Variants in CDH13 observed in about 807,000 individuals in gnomAD.
The protein encoded by CDH13 is cadherin 13.
CDH13 carries 24 observed loss-of-function variants against 63.8 expected under a neutral mutation model. That is an observed-to-expected ratio of 0.38 (90% CI 0.27 to 0.53). CDH13 has a LOEUF of 0.53. CDH13 is among the 20% of genes least tolerant of loss of function. The pLI is 0.85. For synonymous variants in CDH13, 503 were observed against 355.3 expected (o/e 1.42, Z -4.67); for missense variants, 1,049 against 903.1 (o/e 1.16, Z -2.07).
intron 1 of CDH13, among the ~76,000 whole-genome samples, chr16:82,674,360 T>G (rs1913648167): frequency 6.6e-6 from 1 of 152,188 alleles, no homozygotes; most frequent in Non-Finnish European, 1.5e-5. Flanking sequence ...TTGGACCACT[T>G]AGTTTTCATC....
At position 83,356,378 on chromosome 16, in the gene CDH13, G is replaced by A. The variant is rs555380714; in HGVS notation, c.781+11372G>A. The stretch of plus-strand genomic sequence containing the variant: ...CTTACTGGTGGTAACCTCAAATAAA[G>A]CCAGATTCTCCCCCTAGCGGTAGTT... On this transcript the variant is annotated intron_variant, in intron 6 of 13. Transcript: ENST00000567109. Among the ~76,000 whole-genome samples, 150 of 152,106 alleles carry A rather than the reference G, an allele frequency of 9.9e-4. No homozygotes were observed. The Middle Eastern group carries it at 0.01, about 10-fold the overall frequency.
At chr16:83,588,320 C>A (rs148968183) in intron 7 of CDH13, among the ~76,000 whole-genome samples, 1,565 of 152,318 alleles carry the variant, frequency 0.01, 21 homozygotes, top group African/African-American at 0.036. Flanking sequence ...CATCTGCAGA[C>A]CATGAGAGCA....
intron 5 of CDH13, among the ~76,000 whole-genome samples, chr16:83,318,629 T>G (rs2090156240): frequency 6.6e-6 from 1 of 152,218 alleles, no homozygotes; most frequent in African/African-American, 2.4e-5. Context: ...TGGCAGTTCG[T>G]GGCTTTAATG....
intron 8 of CDH13, among the ~76,000 whole-genome samples, chr16:83,630,925 C>T (rs1369235938): frequency 6.6e-6 from 1 of 152,114 alleles, no homozygotes; most frequent in Non-Finnish European, 1.5e-5. Flanking sequence ...TTGGGGGTCC[C>T]AAGATTTATT....
At chr16:82,765,908 C>G (rs1179384803) in intron 1 of CDH13, among the ~76,000 whole-genome samples, 1 of 152,154 alleles carries the variant, frequency 6.6e-6, no homozygotes. Context: ...AAGACAGAGT[C>G]TCACAGGAGT....
At chr16:83,675,903 A>T (rs1914914859) in intron 9 of CDH13, among the ~76,000 whole-genome samples, 1 of 152,258 alleles carries the variant, frequency 6.6e-6, no homozygotes, top group Non-Finnish European at 1.5e-5. Flanking sequence ...CAATTCATTC[A>T]TTCATTCATT....
intron 6 of CDH13, among the ~76,000 whole-genome samples, chr16:83,466,765 G>A (rs891669785): frequency 1.3e-5 from 2 of 152,196 alleles, no homozygotes; most frequent in African/African-American, 2.4e-5. Context: ...CCAAGGGTAT[G>A]CTTAAGTCAC....
chr16:83,500,294 C>CTT lies in CDH13; in HGVS notation c.960+13640_960+13641insTT, dbSNP rs1567715252. ...TCTTCTTCTTCTTCTTCTTCTTCTT[C>CTT]TCCTTCTCCTTCTCCTTCTCCTTCT... is the stretch of plus-strand genomic sequence containing the variant. On this transcript the variant is annotated intron_variant, in intron 7 of 13. Transcript: ENST00000567109. Among the ~76,000 whole-genome samples the CTT allele has an allele frequency of 0.055, 87 of 1,574 alleles. 5 individuals carry two copies. In the East Asian group the frequency reaches 0.6, roughly 11 times the overall value. 1.0% of individuals were successfully genotyped at this position (1,574 alleles called of 152,430 possible). A position where few individuals can be genotyped will look rare whatever the true frequency, so the allele number is the denominator to read the frequency against.
chr16:83,709,195 C>T (rs923439165), intron 10 of CDH13, among the ~76,000 whole-genome samples: 3 of 152,114 alleles, frequency 2.0e-5, no homozygotes, highest in African/African-American at 7.2e-5. Context: ...AGCAAAGAAA[C>T]AAATTCTGCC....
intron 2 of CDH13, among the ~76,000 whole-genome samples, chr16:82,890,310 A>G (rs895907479): frequency 6.6e-5 from 10 of 152,228 alleles, no homozygotes; most frequent in Non-Finnish European, 1.0e-4. Context: ...AGAACAGTGT[A>G]TAGGCTGGAA....
intron 1 of CDH13, among the ~76,000 whole-genome samples, chr16:82,851,848 G>C (rs2039502159): frequency 6.6e-6 from 1 of 152,142 alleles, no homozygotes; most frequent in Non-Finnish European, 1.5e-5. Context: ...TTTACATCCT[G>C]CAAGTCAGAG....
chr16:83,010,664 G>A (rs1914058720), intron 2 of CDH13, among the ~76,000 whole-genome samples: 1 of 152,024 alleles, frequency 6.6e-6, no homozygotes. Context: ...CTGCAAACAG[G>A]GCTGATGAAG....
intron 7 of CDH13, among the ~76,000 whole-genome samples, chr16:83,548,144 A>G (rs972002005): frequency 3.9e-5 from 6 of 152,006 alleles, no homozygotes; most frequent in Admixed American, 1.3e-4. Flanking sequence ...GTGGGAGAGA[A>G]TGGTCACTTA....
chr16:83,229,511 C>T (rs114407641), intron 5 of CDH13, among the ~76,000 whole-genome samples: 2,661 of 150,978 alleles, frequency 0.018, 93 homozygotes, highest in African/African-American at 0.061. Context: ...TTTTCTTCTA[C>T]GGGGGTTTAT....
chr16:82,724,704 G>A (rs1281222942), intron 1 of CDH13, among the ~76,000 whole-genome samples: 1 of 152,202 alleles, frequency 6.6e-6, no homozygotes, highest in Non-Finnish European at 1.5e-5. Context: ...TTGGAAAGGT[G>A]CTGTGCAAAG....
intron 3 of CDH13, among the ~76,000 whole-genome samples, chr16:83,033,420 G>A (rs1177104920): frequency 1.3e-5 from 2 of 151,924 alleles, no homozygotes; most frequent in African/African-American, 4.8e-5. Context: ...GTTTTGTTTT[G>A]TTTCCCAATG....
intron 5 of CDH13, among the ~76,000 whole-genome samples, chr16:83,272,072 C>T (rs76251873): frequency 0.091 from 13,790 of 152,190 alleles, 740 homozygotes; most frequent in East Asian, 0.16. Context: ...TTAATTTGTT[C>T]AACCAGTGTT....
intron 11 of CDH13, among the ~76,000 whole-genome samples, chr16:83,754,402 T>A (rs1456067702): frequency 6.6e-6 from 1 of 152,158 alleles, no homozygotes; most frequent in Non-Finnish European, 1.5e-5. Context: ...AAGCCAGAAG[T>A]TGACTCAGTC....
intron 6 of CDH13, among the ~76,000 whole-genome samples, chr16:83,381,564 C>T (rs767183345): frequency 2.0e-5 from 3 of 151,920 alleles, no homozygotes; most frequent in African/African-American, 7.3e-5. Flanking sequence ...TTTCTCTTCC[C>T]AATTATTAAG....
Sources: gnomAD v4.1 joint callset for allele counts (sites outside exome capture counted in the v4.1 genomes callset) on GRCh38, gnomAD v4.1.1 for gene constraint, MANE v1.5 for transcripts, NCBI Gene and HGNC (gene_info 2026-07-23, HGNC 2026-07-21) for gene names.